Variants in ARHGEF17 observed in about 807,000 individuals in gnomAD.
ARHGEF17 encodes 164 kDa Rho-specific guanine-nucleotide exchange factor.
ARHGEF17 carries 80 observed loss-of-function variants against 174.0 expected under a neutral mutation model. The ratio of observed to expected loss-of-function variants is 0.46; its 90% CI spans 0.38 to 0.55. ARHGEF17 has a LOEUF of 0.55. Ranked by LOEUF, ARHGEF17 falls within the 20% of genes least tolerant of loss-of-function variation. The pLI is 0.00. For synonymous variants in ARHGEF17, 1,311 were observed against 1,189.1 expected (o/e 1.10, Z -2.11); for missense variants, 2,886 against 2,839.7 (o/e 1.02, Z -0.37).
intron 2 of ARHGEF17, 154 bp downstream of exon 2, chr11:73,347,114 G>T (rs1865476233): frequency 1.3e-6 from 1 of 781,734 alleles, no homozygotes; most frequent in African/African-American, 1.7e-5. Context: ...CCCCCAGCAT[G>T]GCCATTCCAG....
At chr11:73,358,270 TGAG>T (rs1461815764) in intron 9 of ARHGEF17, among the ~76,000 whole-genome samples, 2 of 152,242 alleles carry the variant, frequency 1.3e-5, no homozygotes, top group Admixed American at 6.5e-5. Flanking sequence ...TGCTCACCGT[TGAG>T]GAGGCTGGGA....
rs146263902 is a variant in ARHGEF17 at position 73,349,078 on chromosome 11, G to C, written c.3270+2118G>C. 4.2e-3 allele frequency among the ~76,000 whole-genome samples: 641 copies of C among 152,326 alleles called. 3 individuals are homozygous for C. The highest frequency in any genetic ancestry group is 6.1e-3 in the Admixed American group (93 of 15,308). On this transcript the variant is annotated intron_variant, in intron 2 of 20. Transcript: ENST00000263674. ...GCTGGGCATGGAGCTGGGCTTTCCT[G>C]TGCACGCAAGGAAGCCATGGGAGGA... is the stretch of plus-strand genomic sequence containing the variant.
At chr11:73,361,245 T>C in intron 12 of ARHGEF17, 84 bp downstream of exon 12, 1 of 1,282,648 alleles carries the variant, frequency 7.8e-7, no homozygotes, top group Non-Finnish European at 1.1e-6. Flanking sequence ...ATTGTGTATA[T>C]GCCGTGAACA....
intron 16 of ARHGEF17, 74 bp from the exon 17 acceptor site, chr11:73,364,096 CTG>C: frequency 6.9e-7 from 1 of 1,449,106 alleles, no homozygotes; most frequent in Non-Finnish European, 9.7e-7. Flanking sequence ...CCCATTCTAT[CTG>C]TGGTTCCCCT....
chr11:73,311,777 C>G lies in ARHGEF17; in HGVS notation c.3139C>G (p.Arg1047Gly). 7 of 1,611,980 alleles carry G rather than the reference C, an allele frequency of 4.3e-6. No homozygotes were observed. Among genetic ancestry groups the G allele is most frequent in the Non-Finnish European group, 5.9e-6 (7 of 1,179,226 alleles). The change falls in exon 1 of 21, where the codon CGG becomes GGG. Residue 1047 changes from arginine (R) to glycine (G), a missense_variant. Transcript: ENST00000263674. ...SAEAKPPEAA[R>G]PADEPTPASK... ...TGAGGCCAAGCCCCCTGAGGCAGCT[C>G]GGCCTGCAGATGAGCCTACCCCTGC...
intron 1 of ARHGEF17, among the ~76,000 whole-genome samples, chr11:73,332,668 C>A (rs76434283): frequency 6.6e-6 from 1 of 152,030 alleles, no homozygotes. Flanking sequence ...CTCCTCTCTC[C>A]GGGTTCCTAG....
intron 9 of ARHGEF17, among the ~76,000 whole-genome samples, chr11:73,358,611 C>T (rs1181110810): frequency 6.7e-6 from 1 of 150,110 alleles, no homozygotes; most frequent in African/African-American, 2.5e-5. Flanking sequence ...GTGCGCACCA[C>T]TACGCCCGGT....
rs776067249 is a variant in ARHGEF17 at position 73,310,838 on chromosome 11, C to T, written c.2200C>T (p.Leu734=). The change falls in exon 1 of 21, where the codon CTG becomes TTG. Residue 734 remains leucine, a synonymous_variant. Coordinates refer to ENST00000263674, the MANE Select transcript of ARHGEF17 (RefSeq NM_014786.4). ...GGAGGCAGGGGAGGCCTACAGGTCCCTGAGTGACCCAATTCCTCAGCGCCA... is the reference window on the plus strand; with the variant it reads ...GGAGGCAGGGGAGGCCTACAGGTCCTTGAGTGACCCAATTCCTCAGCGCCA... ...NGEAGEAYRS[L]SDPIPQRHRA... The T allele has an allele frequency of 7.1e-5, 115 of 1,611,964 alleles. No homozygotes were observed. Among genetic ancestry groups the T allele is most frequent in the Non-Finnish European group, 8.9e-5 (105 of 1,179,522 alleles).
In ARHGEF17 at chr11:73,311,026, T is replaced by C; in HGVS notation, c.2388T>C (p.Tyr796=). ...TGGGCAGTGAAGAGAGCAAGGGATA[T>C]CAGGAGGTTATTCAGAGCATAGTTC... The part of the protein sequence containing the change: ...WSVGSEESKG[Y]QEVIQSIVQG... Residue 796 remains tyrosine, a synonymous_variant, in exon 1 of 21, where the codon TAT becomes TAC. Transcript: ENST00000263674. The C allele has an allele frequency of 6.2e-7, 1 of 1,614,058 alleles. No homozygotes were observed. The highest frequency in any genetic ancestry group is 8.5e-7 in the Non-Finnish European group (1 of 1,180,004).
chr11:73,332,375 G>T (rs917391890), intron 1 of ARHGEF17, among the ~76,000 whole-genome samples: 113 of 127,340 alleles, frequency 8.9e-4, no homozygotes, highest in Non-Finnish European at 1.6e-3. Context: ...GTGTGTGTGT[G>T]TGTGTGTGTG....
intron 1 of ARHGEF17, chr11:73,342,967 C>T (rs1479904046): frequency 4.9e-6 from 1 of 203,112 alleles, no homozygotes; most frequent in Admixed American, 6.1e-5. Flanking sequence ...GCGGCCGGGC[C>T]GCAGCGCTCA....
At position 73,365,544 on chromosome 11, in the gene ARHGEF17, C is replaced by T. The variant is rs1865821698; in HGVS notation, c.5705C>T (p.Pro1902Leu). ...EQLAEVDVTPPVHRMLAGSDA... is the reference protein window; with the variant it reads ...EQLAEVDVTPLVHRMLAGSDA... Reference sequence around the variant, plus strand: ...CTGGCAGAAGTAGACGTCACTCCTCCCGTGCACAGGATGCTGGCAGGTACT... The same window carrying T: ...CTGGCAGAAGTAGACGTCACTCCTCTCGTGCACAGGATGCTGGCAGGTACT... Residue 1902 changes from proline to leucine, a missense_variant, in exon 19 of 21, where the codon CCC becomes CTC. This residue lies in a region of ARHGEF17 where 329 missense variants were observed against 435.2 expected (regional missense o/e 0.76). Transcript: ENST00000263674. The surrounding 1 kb of genome is among the most constrained non-coding windows in gnomAD (Gnocchi z 4.9). 6.2e-7 allele frequency: 1 copy of T among 1,614,152 alleles called. No homozygotes were observed.
At chr11:73,329,830 G>A (rs1190882111) in intron 1 of ARHGEF17, among the ~76,000 whole-genome samples, 2 of 152,158 alleles carry the variant, frequency 1.3e-5, no homozygotes, top group African/African-American at 4.8e-5. Context: ...AAGCTTGTTT[G>A]TAGGTCATTT....
chr11:73,365,975 A>C lies in ARHGEF17; in HGVS notation c.5995+28A>C. ...GGGTCAGTGCATCATACCCCAAGCT[A>C]GGGATCATGGACATTTGGTTTAGGA... On this transcript the variant is annotated intron_variant, in intron 20 of 20. Transcript: ENST00000263674. The surrounding 1 kb of genome is among the most constrained non-coding windows in gnomAD (Gnocchi z 4.9). The C allele has an allele frequency of 4.4e-6, 7 of 1,585,598 alleles. No homozygotes were observed. Among genetic ancestry groups the C allele is most frequent in the Non-Finnish European group, 6.0e-6 (7 of 1,168,702 alleles).
Position 73,310,360 on chromosome 11 carries a change from A to G in ARHGEF17, c.1722A>G (p.Thr574=). 4 of 1,613,816 alleles carry G rather than the reference A, an allele frequency of 2.5e-6. No homozygotes were observed. Among genetic ancestry groups the G allele is most frequent in the Non-Finnish European group, 3.4e-6 (4 of 1,179,992 alleles). ...LKSSSSELLL[T]GPGAEEDPLP... ...CCAGCTCCTCCGAGCTCCTGCTCACAGGCCCTGGTGCCGAGGAGGATCCGC... is the reference window on the plus strand; with the variant it reads ...CCAGCTCCTCCGAGCTCCTGCTCACGGGCCCTGGTGCCGAGGAGGATCCGC... Residue 574 remains threonine (T), a synonymous_variant, in exon 1 of 21, where the codon ACA becomes ACG. Transcript: ENST00000263674.
chr11:73,338,622 TC>T (rs1421548421), intron 1 of ARHGEF17, among the ~76,000 whole-genome samples: 1 of 151,970 alleles, frequency 6.6e-6, no homozygotes, highest in African/African-American at 2.4e-5. Flanking sequence ...TTCAGGAGAA[TC>T]TGTTCATGTC....
At position 73,311,727 on chromosome 11, in the gene ARHGEF17, T is replaced by C; in HGVS notation, c.3089T>C (p.Leu1030Ser). The C allele has an allele frequency of 6.2e-7, 1 of 1,613,242 alleles. No homozygotes were observed. The highest frequency in any genetic ancestry group is 8.5e-7 in the Non-Finnish European group (1 of 1,180,026). The change falls in exon 1 of 21, where the codon TTG becomes TCG. Residue 1030 changes from leucine to serine, a missense_variant. Physicochemically the swap from Leu to Ser is moderately radical, Grantham distance 145. Around this residue, in one of 4 missense-constraint regions of ARHGEF17, gnomAD observed 1,728 missense variants for 1,461.2 expected, o/e 1.18. Transcript: ENST00000263674. ...CCAGTGCCAGTGGACATGCCCTGCT[T>C]GCCTCTGGCTGCACCGCCCTCTGCT... ...PAPVPVDMPC[L>S]PLAAPPSAEA...
chr11:73,323,664 T>G (rs1304761257), intron 1 of ARHGEF17, among the ~76,000 whole-genome samples: 7 of 152,236 alleles, frequency 4.6e-5, no homozygotes, highest in Admixed American at 4.6e-4. Flanking sequence ...GACCCGCCAC[T>G]TCCAGGCTTC....
At chr11:73,366,837 C>T (rs1211226762) in intron 20 of ARHGEF17, among the ~76,000 whole-genome samples, 4 of 151,578 alleles carry the variant, frequency 2.6e-5, no homozygotes, top group South Asian at 2.1e-4. Context: ...GTCAGGAGTT[C>T]GAGACCAGCC....
Sources: gnomAD v4.1 joint callset for allele counts (sites outside exome capture counted in the v4.1 genomes callset) on GRCh38, gnomAD v4.1.1 for gene constraint, gnomAD v4.1.1 regional missense constraint, Gnocchi (gnomAD v3.1) non-coding constraint, MANE v1.5 for transcripts, NCBI Gene and HGNC (gene_info 2026-07-23, HGNC 2026-07-21) for gene names.